The following DACH1 variants were observed in gnomAD, a reference collection of about 807,000 sequenced individuals.
DACH1 encodes the protein dachshund family transcription factor 1.
A neutral mutation model predicts 54.2 loss-of-function variants in DACH1; 12 were observed. The observed-to-expected ratio is 0.22, with a 90% CI of 0.14 to 0.36. The LOEUF is 0.36. DACH1 is among the 10% of genes least tolerant of loss of function. DACH1 has a pLI of 1.00. For synonymous variants in DACH1, 386 were observed against 366.2 expected (o/e 1.05, Z -0.62); for missense variants, 805 against 929.8 (o/e 0.87, Z 1.75).
rs923240066 is a variant in DACH1 at position 71,440,419 on chromosome 13, A to C, written c.*236T>G. 2 of 437,404 alleles carry C rather than the reference A, an allele frequency of 4.6e-6. No individual in the cohort carries two copies. The highest frequency in any genetic ancestry group is 9.1e-5 in the Admixed American group (2 of 21,902). The allele number at this position is 437,404 out of a possible 1,614,324, so 27.1% of individuals were successfully genotyped here. ...CAAGTTGCAGTAATTAACTGTAAGA[A>C]CTTTGATACTTGTACATTTACAAAC... On this transcript the variant is annotated 3_prime_UTR_variant, in exon 11 of 11. Coordinates refer to ENST00000613252, the MANE Select transcript of DACH1 (RefSeq NM_080759.6).
intron 3 of DACH1, among the ~76,000 whole-genome samples, chr13:71,627,124 T>G (rs1012835232): frequency 6.6e-6 from 1 of 151,914 alleles, no homozygotes; most frequent in Non-Finnish European, 1.5e-5. Context: ...AATTGGGATA[T>G]AAAATAATTA....
intron 1 of DACH1, among the ~76,000 whole-genome samples, chr13:71,800,166 C>T (rs1269750467): frequency 6.6e-6 from 1 of 152,078 alleles, no homozygotes; most frequent in Admixed American, 6.6e-5. Flanking sequence ...ACAAGACTAT[C>T]TCTAAGGTTC....
intron 1 of DACH1, among the ~76,000 whole-genome samples, chr13:71,768,026 T>G (rs1885709236): frequency 6.6e-6 from 1 of 151,988 alleles, no homozygotes; most frequent in Non-Finnish European, 1.5e-5. Context: ...TTTCCTATTA[T>G]TAGTAGTATT....
At chr13:71,813,385 G>A (rs1887793088) in intron 1 of DACH1, among the ~76,000 whole-genome samples, 1 of 152,136 alleles carries the variant, frequency 6.6e-6, no homozygotes, top group African/African-American at 2.4e-5. Context: ...ATGTGATCGA[G>A]CTAGTGATCA....
chr13:71,541,685 A>T, intron 6 of DACH1, among the ~76,000 whole-genome samples: 1 of 152,080 alleles, frequency 6.6e-6, no homozygotes, highest in Admixed American at 6.6e-5. Flanking sequence ...AGTCTGCCAT[A>T]ATCAAATGAA....
chr13:71,745,954 C>T (rs1884585185), intron 1 of DACH1, among the ~76,000 whole-genome samples: 1 of 152,116 alleles, frequency 6.6e-6, no homozygotes, highest in Admixed American at 6.5e-5. Flanking sequence ...GCGCGGTGAC[C>T]CAAGCCTGTA....
chr13:71,441,171 T>C (rs2138093185), intron 10 of DACH1, among the ~76,000 whole-genome samples: 1 of 152,192 alleles, frequency 6.6e-6, no homozygotes, highest in East Asian at 1.9e-4. Context: ...GCTATTTATA[T>C]GAAAGCCAGC....
At chr13:71,484,172 G>C (rs1878289185) in intron 7 of DACH1, among the ~76,000 whole-genome samples, 2 of 142,580 alleles carry the variant, frequency 1.4e-5, no homozygotes, top group Admixed American at 7.4e-5. Context: ...GTGTGTGTAT[G>C]TGTTTTTAAG....
In DACH1 at chr13:71,701,393, G is replaced by A. The variant is rs142836154; in HGVS notation, c.849-19483C>T. On this transcript the variant is annotated intron_variant, in intron 1 of 10. Transcript: ENST00000613252. Reference sequence around the variant, plus strand: ...TAGATGCAATTGTTTTCCAAAAATTGTAGTACTTTAGTAACCGTGTTTTTT... The same window carrying A: ...TAGATGCAATTGTTTTCCAAAAATTATAGTACTTTAGTAACCGTGTTTTTT... 7.5e-3 allele frequency among the ~76,000 whole-genome samples: 1,139 copies of A among 152,176 alleles called. 15 individuals carry two copies. Among genetic ancestry groups the A allele is most frequent in the African/African-American group, 0.025 (1,051 of 41,542 alleles).
intron 1 of DACH1, among the ~76,000 whole-genome samples, chr13:71,682,168 A>G (rs1299611765): frequency 6.6e-6 from 1 of 152,170 alleles, no homozygotes; most frequent in Non-Finnish European, 1.5e-5. Context: ...ATCTATACAC[A>G]GTTTGAATTG....
intron 1 of DACH1, among the ~76,000 whole-genome samples, chr13:71,793,750 C>G (rs1259428087): frequency 6.6e-6 from 1 of 152,144 alleles, no homozygotes; most frequent in East Asian, 1.9e-4. Flanking sequence ...TGGTCTCAAA[C>G]TACTGGGTTT....
intron 6 of DACH1, among the ~76,000 whole-genome samples, chr13:71,504,154 T>C (rs560854011): frequency 1.3e-5 from 2 of 152,298 alleles, no homozygotes; most frequent in African/African-American, 4.8e-5. Context: ...TATAAAATTG[T>C]ACTTACTAGC....
At chr13:71,563,732 A>G (rs1394186227) in intron 4 of DACH1, among the ~76,000 whole-genome samples, 1 of 151,678 alleles carries the variant, frequency 6.6e-6, no homozygotes, top group Non-Finnish European at 1.5e-5. Context: ...GTAAATATGT[A>G]TAAGTAAAAT....
chr13:71,622,511 A>G (rs1263860945), intron 3 of DACH1, among the ~76,000 whole-genome samples: 3 of 151,962 alleles, frequency 2.0e-5, no homozygotes, highest in Non-Finnish European at 4.4e-5. Context: ...GAAAAAAAGA[A>G]TTGTCTGATC....
At chr13:71,807,719 T>C (rs1000694046) in intron 1 of DACH1, among the ~76,000 whole-genome samples, 2 of 152,178 alleles carry the variant, frequency 1.3e-5, no homozygotes, top group Non-Finnish European at 1.5e-5. Context: ...TTCCTGAAAA[T>C]TGACAGATAC....
intron 1 of DACH1, among the ~76,000 whole-genome samples, chr13:71,826,741 A>G (rs1045945854): frequency 1.3e-5 from 2 of 152,138 alleles, no homozygotes; most frequent in Non-Finnish European, 2.9e-5. Flanking sequence ...TTATATATGT[A>G]TATTCCGAAG....
At chr13:71,738,605 G>C (rs901773654) in intron 1 of DACH1, among the ~76,000 whole-genome samples, 3 of 150,994 alleles carry the variant, frequency 2.0e-5, no homozygotes, top group Admixed American at 6.6e-5. Flanking sequence ...GGTGGCACCT[G>C]CCTGTAATCC....
At chr13:71,719,798 G>A (rs754374738) in intron 1 of DACH1, among the ~76,000 whole-genome samples, 9 of 152,076 alleles carry the variant, frequency 5.9e-5, no homozygotes, top group African/African-American at 1.2e-4. Flanking sequence ...ACAGGAGGTT[G>A]AGGCTGCACT....
At chr13:71,619,214 A>G (rs1304936747) in intron 3 of DACH1, among the ~76,000 whole-genome samples, 1 of 151,940 alleles carries the variant, frequency 6.6e-6, no homozygotes, top group Non-Finnish European at 1.5e-5. Flanking sequence ...CAACAAATGA[A>G]CCACAAATGT....
Sources: gnomAD v4.1 joint callset for allele counts (sites outside exome capture counted in the v4.1 genomes callset) on GRCh38, gnomAD v4.1.1 for gene constraint, MANE v1.5 for transcripts, NCBI Gene and HGNC (gene_info 2026-07-23, HGNC 2026-07-21) for gene names.